The following SIRT1 variants were observed in gnomAD, a reference collection of about 807,000 sequenced individuals.
SIRT1 encodes NAD-dependent protein deacetylase sirtuin-1.
SIRT1 carries 24 observed loss-of-function variants against 67.9 expected under a neutral mutation model. The observed-to-expected ratio is 0.35, with a 90% CI of 0.26 to 0.50. The LOEUF is 0.50. Ranked by LOEUF, SIRT1 falls within the 20% of genes least tolerant of loss-of-function variation. SIRT1 has a pLI of 0.98. For synonymous variants in SIRT1, 378 were observed against 350.7 expected (o/e 1.08, Z -0.87); for missense variants, 873 against 937.2 (o/e 0.93, Z 0.89).
Position 67,916,649 on chromosome 10 carries a change from G to C in SIRT1, c.*56G>C. On this transcript the variant is annotated 3_prime_UTR_variant, in exon 9 of 9. Coordinates refer to ENST00000212015, the MANE Select transcript of SIRT1 (RefSeq NM_012238.5). ...CCACCAGCATTAGGAACTTTAGCAT[G>C]TCAAAATGAATGTTTACTTGTGAAC... The C allele has an allele frequency of 7.0e-7, 1 of 1,427,690 alleles. No homozygotes were observed. The highest frequency in any genetic ancestry group is 9.5e-7 in the Non-Finnish European group (1 of 1,048,542). The allele number at this position is 1,427,690 out of a possible 1,614,324, so 88.4% of individuals were successfully genotyped here. A position where few individuals can be genotyped will look rare whatever the true frequency, so the allele number is the denominator to read the frequency against.
At chr10:67,907,075 A>T in intron 5 of SIRT1, 138 bp downstream of exon 5, 1 of 750,956 alleles carries the variant, frequency 1.3e-6, no homozygotes, top group Non-Finnish European at 2.0e-6. Flanking sequence ...TAACCTCAGA[A>T]AAGTAGAAAA....
intron 4 of SIRT1, among the ~76,000 whole-genome samples, chr10:67,893,267 A>C (rs1446590348): frequency 6.6e-6 from 1 of 152,138 alleles, no homozygotes; most frequent in African/African-American, 2.4e-5. Context: ...CACATTCATT[A>C]GGTATTTGTC....
intron 4 of SIRT1, among the ~76,000 whole-genome samples, chr10:67,895,424 G>T (rs1842638786): frequency 6.6e-6 from 1 of 152,126 alleles, no homozygotes; most frequent in Admixed American, 6.6e-5. Flanking sequence ...ATAGTATCCT[G>T]ACACGGAGGA....
chr10:67,913,414 C>T (rs1842929979), intron 8 of SIRT1, among the ~76,000 whole-genome samples: 1 of 152,164 alleles, frequency 6.6e-6, no homozygotes, highest in Non-Finnish European at 1.5e-5. Flanking sequence ...AGGTTAAATA[C>T]CTCATGCACA....
chr10:67,898,426 T>C (rs1237744270), intron 4 of SIRT1, among the ~76,000 whole-genome samples: 2 of 152,178 alleles, frequency 1.3e-5, no homozygotes, highest in Non-Finnish European at 2.9e-5. Context: ...ATTCCAAGAA[T>C]GTATTTTTAC....
At chr10:67,903,717 T>G (rs1842778336) in intron 4 of SIRT1, among the ~76,000 whole-genome samples, 1 of 152,202 alleles carries the variant, frequency 6.6e-6, no homozygotes, top group Non-Finnish European at 1.5e-5. Flanking sequence ...AGCTTTAGTT[T>G]TGACCACGTT....
intron 4 of SIRT1, among the ~76,000 whole-genome samples, chr10:67,903,195 A>G (rs950706695): frequency 1.3e-5 from 2 of 152,136 alleles, no homozygotes; most frequent in African/African-American, 2.4e-5. Flanking sequence ...CCCAGACTCA[A>G]GTGATTCTCC....
chr10:67,885,505 A>C (rs1842463578), intron 1 of SIRT1: 9 of 819,556 alleles, frequency 1.1e-5, no homozygotes, highest in African/African-American at 1.8e-5. Flanking sequence ...TTTATTTTTT[A>C]TTTTCATTGC....
intron 3 of SIRT1, among the ~76,000 whole-genome samples, chr10:67,890,768 C>T (rs896587989): frequency 6.6e-6 from 1 of 151,208 alleles, no homozygotes; most frequent in East Asian, 2.0e-4. Context: ...CGGTGGCTCA[C>T]ACCTGTAATC....
At chr10:67,885,941 CTTTTTTTT>C (rs766544980) in intron 1 of SIRT1, among the ~76,000 whole-genome samples, 26 of 95,564 alleles carry the variant, frequency 2.7e-4, no homozygotes, top group South Asian at 1.1e-3. Flanking sequence ...TTGAAGGTTT[CTTTTTTTT>C]TTTTTTTTTT....
chr10:67,891,769 T>G (rs1000764264), intron 4 of SIRT1, among the ~76,000 whole-genome samples: 1 of 152,120 alleles, frequency 6.6e-6, no homozygotes, highest in Non-Finnish European at 1.5e-5. Context: ...TTCAAAGAGA[T>G]AGTTCATATT....
chr10:67,893,386 GGAC>G (rs2131855562), intron 4 of SIRT1, among the ~76,000 whole-genome samples: 1 of 152,262 alleles, frequency 6.6e-6, no homozygotes, highest in African/African-American at 2.4e-5. Flanking sequence ...TTATGAGTGA[GGAC>G]ATGTGGTGTT....
At chr10:67,903,141 G>A (rs1328117014) in intron 4 of SIRT1, among the ~76,000 whole-genome samples, 1 of 152,030 alleles carries the variant, frequency 6.6e-6, no homozygotes, top group Non-Finnish European at 1.5e-5. Flanking sequence ...GGAGTGTAGT[G>A]CCCATCCATT....
chr10:67,899,447 A>G (rs1325295374), intron 4 of SIRT1, among the ~76,000 whole-genome samples: 1 of 151,716 alleles, frequency 6.6e-6, no homozygotes, highest in African/African-American at 2.4e-5. Context: ...TGCTGCCCCT[A>G]ATATCTGTCC....
At position 67,885,090 on chromosome 10, in the gene SIRT1, AGAC is replaced by A. The variant is rs751108703; in HGVS notation, c.381_383del (p.Asp127del). 197 of 1,445,626 alleles carry A rather than the reference AGAC, an allele frequency of 1.4e-4. No homozygotes were observed. The highest frequency in any genetic ancestry group is 5.6e-4 in the South Asian group (41 of 72,986). The allele number at this position is 1,445,626 out of a possible 1,614,324, so 89.5% of individuals were successfully genotyped here. ...CGCTGGCCGACAACTTGTACGACGA[AGAC>A]GACGACGACGAGGGCGAGGAGGAGG... is the stretch of plus-strand genomic sequence containing the variant. On this transcript the variant is annotated inframe_deletion, in exon 1 of 9. Coordinates refer to ENST00000212015, the MANE Select transcript of SIRT1 (RefSeq NM_012238.5).
At chr10:67,905,788 C>T (rs35227313) in intron 4 of SIRT1, among the ~76,000 whole-genome samples, 2 of 152,216 alleles carry the variant, frequency 1.3e-5, no homozygotes, top group East Asian at 3.9e-4. Context: ...GACTAATTTG[C>T]TTTTTTCACG....
In SIRT1 at chr10:67,888,869, C is replaced by A; in HGVS notation, c.548-13C>A. The stretch of plus-strand genomic sequence containing the variant: ...TGATAAGTTGACTTTAAGCCTTTTC[C>A]CCCTTATTGTAGGTCCATATACTTT... On this transcript the variant is annotated splice_polypyrimidine_tract_variant and intron_variant, in intron 2 of 8. Transcript: ENST00000212015. The A allele has an allele frequency of 1.3e-6, 2 of 1,575,802 alleles. No homozygotes were observed. The highest frequency in any genetic ancestry group is 2.3e-5 in the South Asian group (2 of 85,890).
chr10:67,890,451 A>C (rs1050175933), intron 3 of SIRT1, among the ~76,000 whole-genome samples: 3 of 152,076 alleles, frequency 2.0e-5, no homozygotes, highest in Non-Finnish European at 2.9e-5. Flanking sequence ...ACTTCTCTGT[A>C]ATAGAAATTC....
intron 4 of SIRT1, among the ~76,000 whole-genome samples, chr10:67,905,825 G>C (rs1283553939): frequency 3.3e-5 from 5 of 152,136 alleles, no homozygotes; most frequent in Non-Finnish European, 7.4e-5. Context: ...TTCCAGGGCA[G>C]TTCATCTAGA....
Sources: gnomAD v4.1 joint callset for allele counts (sites outside exome capture counted in the v4.1 genomes callset) on GRCh38, gnomAD v4.1.1 for gene constraint, MANE v1.5 for transcripts, NCBI Gene and HGNC (gene_info 2026-07-23, HGNC 2026-07-21) for gene names.